EXD3: variants seen among roughly 807,000 people sequenced by gnomAD.
The protein encoded by EXD3 is exonuclease 3'-5' domain containing 3.
In EXD3, 92 loss-of-function variants were observed where a neutral mutation model predicts 98.0. The ratio of observed to expected loss-of-function variants is 0.94; its 90% CI spans 0.79 to 1.12. The LOEUF (loss-of-function observed/expected upper bound fraction) is 1.12. Among genes scored for constraint, EXD3 ranks in the 50% most tolerant of loss-of-function variants. The pLI, the probability that EXD3 is intolerant of heterozygous loss-of-function variation, is 0.00. For synonymous variants in EXD3, 569 were observed against 526.0 expected, an observed-to-expected ratio of 1.08 and a Z score of -1.12; for missense variants, 1,222 against 1,191.6, an observed-to-expected ratio of 1.03 and a Z score of -0.38.
rs1350154047 is a variant in EXD3, at chr9:137,354,762, T to A, written c.769A>T (p.Asn257Tyr). Residue 257 changes from asparagine to tyrosine, a missense_variant, in exon 9 of 22, where the codon AAC (asparagine) becomes TAC (tyrosine). Transcript: ENST00000340951. ...RYGVAPALCP[N>Y]AAIQQRLAAL... ...GCCAGGCGCTGCTGAATGGCCGCGTTGGGACACAGCGCTGAAAGGAAAGGC... is the reference window on the plus strand; with the variant it reads ...GCCAGGCGCTGCTGAATGGCCGCGTAGGGACACAGCGCTGAAAGGAAAGGC... 1 of 1,610,092 alleles carries A rather than the reference T, an allele frequency of 6.2e-7. No homozygotes were observed. Among genetic ancestry groups the A allele is most frequent in the South Asian group, 1.1e-5 (1 of 91,016 alleles).
rs61183889 is a variant in EXD3, at chr9:137,381,415, C to CAAAAA, written c.120+1893_120+1897dup. Among the ~76,000 whole-genome samples, 66 of 50,822 alleles carry CAAAAA rather than the reference C, an allele frequency of 1.3e-3. 3 individuals are homozygous for CAAAAA. Among genetic ancestry groups the CAAAAA allele is most frequent in the African/African-American group, 2.6e-3 (39 of 14,982 alleles). The allele number at this position is 50,822 out of a possible 152,430, so 33.3% of individuals were successfully genotyped here. ...TGGGTGACAGAACAAGACTCCTTCTCAAAAAAAAAAAAAAAAAAAAAAAAG... is the reference window on the plus strand; with the variant it reads ...TGGGTGACAGAACAAGACTCCTTCTCAAAAAAAAAAAAAAAAAAAAAAAAAAAAAG... On this transcript the variant is annotated intron_variant, in intron 3 of 21. Transcript: ENST00000340951.
intron 17 of EXD3, among the ~76,000 whole-genome samples, chr9:137,335,954 A>C (rs1833334107): frequency 6.6e-6 from 1 of 152,198 alleles, no homozygotes; most frequent in South Asian, 2.1e-4. Context: ...AATACTACTC[A>C]GCCGTAAAAA....
Position 137,373,079 on chromosome 9 carries a change from G to A in EXD3, c.295-7C>T. 3.2e-6 allele frequency: 5 copies of A among 1,559,844 alleles called. No homozygotes were observed. The highest frequency in any genetic ancestry group is 1.4e-5 in the African/African-American group (1 of 73,918). The stretch of plus-strand genomic sequence containing the variant: ...GCTTCAGCCTCAGGCTGTGCTGGAA[G>A]AGCAGGGACCCAGACTTACTGGACG... On this transcript the variant is annotated splice_polypyrimidine_tract_variant and splice_region_variant and intron_variant, in intron 4 of 21. Transcript: ENST00000340951.
At chr9:137,355,902 C>T (rs576311432) in intron 8 of EXD3, among the ~76,000 whole-genome samples, 3 of 152,264 alleles carry the variant, frequency 2.0e-5, no homozygotes, top group East Asian at 1.9e-4. Flanking sequence ...TGTCCAACGA[C>T]ACAGGCAGGT....
chr9:137,320,726 A>G (rs1831986889), intron 19 of EXD3, among the ~76,000 whole-genome samples: 1 of 151,994 alleles, frequency 6.6e-6, no homozygotes. Flanking sequence ...CGGCCCCTCC[A>G]TGCCTGGCCT....
At chr9:137,319,292 C>T (rs531702380) in intron 19 of EXD3, among the ~76,000 whole-genome samples, 8 of 152,344 alleles carry the variant, frequency 5.3e-5, no homozygotes, top group African/African-American at 7.2e-5. Context: ...GTGGCAGGCC[C>T]GGGGTCTGCA....
Position 137,403,862 on chromosome 9 carries a change from G to A in EXD3, c.-47-8458C>T, listed in dbSNP as rs1837589863. The stretch of plus-strand genomic sequence containing the variant: ...AGGAAATGAAGGGGAAGACAGACCT[G>A]TGGGATAGGGATGGGTCCCGAGGCG... On this transcript the variant is annotated intron_variant, in intron 1 of 21. Coordinates refer to ENST00000340951, the MANE Select transcript of EXD3 (RefSeq NM_017820.5). This position sits in a 1 kb window ranked among gnomAD's most constrained non-coding sequence, Gnocchi z 6.1. Among the ~76,000 whole-genome samples the A allele has an allele frequency of 6.6e-6, 1 of 152,228 alleles. No homozygotes were observed. Among genetic ancestry groups the A allele is most frequent in the African/African-American group, 2.4e-5 (1 of 41,460 alleles).
At chr9:137,352,839 G>A in intron 10 of EXD3, 53 bp from the exon 11 acceptor site, 18 of 1,534,268 alleles carry the variant, frequency 1.2e-5, no homozygotes, top group Non-Finnish European at 1.6e-5. Flanking sequence ...TGTGCCACAG[G>A]GCCCTGCCCC....
chr9:137,416,023 G>C (rs1838215063), intron 1 of EXD3, among the ~76,000 whole-genome samples: 1 of 152,192 alleles, frequency 6.6e-6, no homozygotes, highest in Non-Finnish European at 1.5e-5. Context: ...ACCCTGGTTT[G>C]TATTCATGAA....
At chr9:137,348,398 C>CA (rs1487845061) in intron 16 of EXD3, among the ~76,000 whole-genome samples, 160 bp from the exon 17 acceptor site, 2 of 149,296 alleles carry the variant, frequency 1.3e-5, no homozygotes, top group South Asian at 4.3e-4. Context: ...GAAACGCAGA[C>CA]AAAATGCAGT....
rs566045266 is a variant in EXD3 at position 137,372,178 on chromosome 9, C to A, written c.462+727G>T. Reference sequence around the variant, plus strand: ...CACCACTTAAGACCTGGCCCGGGACCGAAAGGGACCGAAGCCACCTCTCCC... The same window carrying A: ...CACCACTTAAGACCTGGCCCGGGACAGAAAGGGACCGAAGCCACCTCTCCC... On this transcript the variant is annotated intron_variant, in intron 5 of 21. Transcript: ENST00000340951. Among the ~76,000 whole-genome samples the A allele has an allele frequency of 1.2e-4, 19 of 152,286 alleles. No individual in the cohort carries two copies. The East Asian group carries it at 3.5e-3, about 28-fold the overall frequency.
At chr9:137,337,636 G>A (rs1028567514) in intron 17 of EXD3, among the ~76,000 whole-genome samples, 2 of 151,704 alleles carry the variant, frequency 1.3e-5, no homozygotes, top group African/African-American at 4.8e-5. Context: ...GGGCGACAGA[G>A]CGAGATTTCT....
intron 7 of EXD3, chr9:137,365,935 A>C: frequency 2.2e-6 from 1 of 445,812 alleles, no homozygotes; most frequent in Non-Finnish European, 4.4e-6. Context: ...CTACAGGCAC[A>C]CACAAACGTG....
At position 137,395,470 on chromosome 9, in the gene EXD3, C is replaced by T. The variant is rs1194544334; in HGVS notation, c.-47-66G>A. 2 of 1,477,186 alleles carry T rather than the reference C, an allele frequency of 1.4e-6. No individual in the cohort carries two copies. Among genetic ancestry groups the T allele is most frequent in the Non-Finnish European group, 9.3e-7 (1 of 1,077,216 alleles). 91.5% of individuals were successfully genotyped at this position (1,477,186 alleles called of 1,614,324 possible). ...AACAGGCAGCCATGCAGAGCCCACG[C>T]CCACAGCCCCTGGAGGTGGTGGAGG... On this transcript the variant is annotated intron_variant, in intron 1 of 21. Transcript: ENST00000340951. This position sits in a 1 kb window ranked among gnomAD's most constrained non-coding sequence, Gnocchi z 6.5.
At chr9:137,346,638 G>A (rs1833950351) in intron 17 of EXD3, among the ~76,000 whole-genome samples, 2 of 152,234 alleles carry the variant, frequency 1.3e-5, no homozygotes, top group African/African-American at 2.4e-5. Context: ...CTGAACCTTC[G>A]ACACTTTTAA....
intron 19 of EXD3, among the ~76,000 whole-genome samples, chr9:137,322,769 C>A (rs1403954074): frequency 1.6e-3 from 12 of 7,280 alleles, no homozygotes; most frequent in South Asian, 5.4e-3. Context: ...CCGCGGACCC[C>A]CGAGGGATTC....
At chr9:137,355,701 G>GGAGAAAGA (rs1834726643) in intron 8 of EXD3, among the ~76,000 whole-genome samples, 2 of 81,222 alleles carry the variant, frequency 2.5e-5, no homozygotes, top group Admixed American at 1.1e-4. Context: ...AAGGGAGGAA[G>GGAGAAAGA]GAGGAAGGAG....
At chr9:137,366,391 G>T in intron 7 of EXD3, 102 bp downstream of exon 7, 2 of 1,474,574 alleles carry the variant, frequency 1.4e-6, no homozygotes, top group South Asian at 2.4e-5. Context: ...ACTTCCTGGG[G>T]AGAGCTCTCC....
chr9:137,353,155 C>T, intron 10 of EXD3: 2 of 984,232 alleles, frequency 2.0e-6, no homozygotes, highest in Non-Finnish European at 2.4e-6. Context: ...CTCCTGGCCT[C>T]CAAGCCTCTG....
Sources: gnomAD v4.1 joint callset for allele counts (sites outside exome capture counted in the v4.1 genomes callset) on GRCh38, gnomAD v4.1.1 for gene constraint, Gnocchi (gnomAD v3.1) non-coding constraint, MANE v1.5 for transcripts, NCBI Gene and HGNC (gene_info 2026-07-23, HGNC 2026-07-21) for gene names.